Variants in SATB2 observed in about 807,000 individuals in gnomAD.
The protein encoded by SATB2 is SATB homeobox 2.
In SATB2, 1 loss-of-function variant was observed where a neutral mutation model predicts 73.4. The observed-to-expected ratio is 0.01, with a 90% CI of 0.00 to 0.06. The LOEUF (loss-of-function observed/expected upper bound fraction) is 0.06, where lower values mean the gene tolerates loss of function less well. Among genes scored for constraint, SATB2 ranks in the 10% least tolerant of loss-of-function variants. The pLI is 1.00. For missense variants in SATB2, 459 were observed against 945.8 expected (o/e 0.49, Z 6.75); for synonymous variants, 397 against 367.0 (o/e 1.08, Z -0.93).
chr2:199,465,963 A>C (rs757305018), upstream of SATB2, among the ~76,000 whole-genome samples: 4 of 152,198 alleles, frequency 2.6e-5, no homozygotes, highest in Non-Finnish European at 5.9e-5. Context: ...CCAGGAACCC[A>C]CCCAAACCTG....
chr2:199,413,209 A>C (rs2105905402), intron 3 of SATB2, among the ~76,000 whole-genome samples: 1 of 152,332 alleles, frequency 6.6e-6, no homozygotes, highest in Non-Finnish European at 1.5e-5. Context: ...TCCGAAGCAC[A>C]TATGTAATCT....
At chr2:199,462,301 G>A (rs1692493434), upstream of SATB2, among the ~76,000 whole-genome samples, 2 of 152,182 alleles carry the variant, frequency 1.3e-5, no homozygotes, top group African/African-American at 2.4e-5. The surrounding 1 kb of genome is among the most constrained non-coding windows in gnomAD (Gnocchi z 5.9). Context: ...TTCAAATGAA[G>A]CCCACGCCAG....
chr2:199,374,497 C>G lies in SATB2; in HGVS notation c.598-5790G>C, dbSNP rs1244641326. Among the ~76,000 whole-genome samples, 5 of 152,204 alleles carry G rather than the reference C, an allele frequency of 3.3e-5. No individual in the cohort carries two copies. The East Asian group carries it at 9.7e-4, about 29-fold the overall frequency. On this transcript the variant is annotated intron_variant, in intron 5 of 10. Transcript: ENST00000417098. ...GAAAGAGACAGGGGTGATGGTTGCA[C>G]AACACTGTGAATGTAATTAATGCTA...
intron 8 of SATB2, among the ~76,000 whole-genome samples, chr2:199,327,648 C>T (rs912957291): frequency 2.0e-5 from 3 of 152,062 alleles, no homozygotes; most frequent in Non-Finnish European, 2.9e-5. Context: ...GCCTTGAGAC[C>T]TTGACCCTTG....
intron 8 of SATB2, 94 bp from the exon 9 acceptor site, chr2:199,324,052 G>T: frequency 7.6e-7 from 1 of 1,309,654 alleles, no homozygotes; most frequent in Non-Finnish European, 1.1e-6. Flanking sequence ...GTCAGCTGAT[G>T]CCAAACTGCA....
chr2:199,449,773 C>A (rs1175518866), intron 2 of SATB2, among the ~76,000 whole-genome samples: 1 of 152,048 alleles, frequency 6.6e-6, no homozygotes, highest in Admixed American at 6.6e-5. Flanking sequence ...ACCTCTATTG[C>A]ATTTTAAAAT....
At chr2:199,403,512 G>A (rs572299940) in intron 3 of SATB2, among the ~76,000 whole-genome samples, 3 of 152,030 alleles carry the variant, frequency 2.0e-5, no homozygotes, top group East Asian at 3.9e-4. Context: ...ACACCAAGGG[G>A]GAATTTTATT....
intron 9 of SATB2, among the ~76,000 whole-genome samples, chr2:199,322,364 G>A (rs1008573156): frequency 6.6e-5 from 10 of 152,286 alleles, no homozygotes; most frequent in Non-Finnish European, 7.4e-5. Context: ...GTGGCATTAT[G>A]CATTTAACAG....
At chr2:199,281,225 C>T (rs1366679331) in intron 10 of SATB2, among the ~76,000 whole-genome samples, 1 of 149,774 alleles carries the variant, frequency 6.7e-6, no homozygotes, top group African/African-American at 2.5e-5. Context: ...CAGAGCAAGA[C>T]CCTGTCTCAA....
chr2:199,424,175 T>G (rs1198829295), intron 3 of SATB2, among the ~76,000 whole-genome samples: 3 of 152,244 alleles, frequency 2.0e-5, no homozygotes, highest in African/African-American at 7.2e-5. Context: ...AGCAAGCAAG[T>G]GGCACGTGCT....
At chr2:199,279,213 G>C (rs185313463) in intron 10 of SATB2, among the ~76,000 whole-genome samples, 87 of 152,190 alleles carry the variant, frequency 5.7e-4, no homozygotes, top group Non-Finnish European at 1.1e-3. Context: ...TCCTTGCCCA[G>C]TCATAAAGCA....
chr2:199,274,643 T>C (rs1245549985), intron 10 of SATB2, among the ~76,000 whole-genome samples: 1 of 152,160 alleles, frequency 6.6e-6, no homozygotes, highest in Non-Finnish European at 1.5e-5. Context: ...CACAGGACTA[T>C]AAAACAGTGG....
chr2:199,276,971 G>A (rs1351845887), intron 10 of SATB2, among the ~76,000 whole-genome samples: 2 of 152,122 alleles, frequency 1.3e-5, no homozygotes, highest in Non-Finnish European at 2.9e-5. Context: ...TTATATAACC[G>A]AGCAGTAGGA....
At chr2:199,415,949 T>C (rs1346080143) in intron 3 of SATB2, among the ~76,000 whole-genome samples, 1 of 152,192 alleles carries the variant, frequency 6.6e-6, no homozygotes, top group African/African-American at 2.4e-5. Context: ...TGCCAACTTG[T>C]AGCATCATCA....
At chr2:199,279,297 C>T (rs1343141784) in intron 10 of SATB2, among the ~76,000 whole-genome samples, 1 of 152,144 alleles carries the variant, frequency 6.6e-6, no homozygotes, top group African/African-American at 2.4e-5. Flanking sequence ...GGTACCATGA[C>T]CAAAGTTGAC....
chr2:199,397,758 G>A (rs373895353), intron 3 of SATB2: 11 of 421,582 alleles, frequency 2.6e-5, no homozygotes, highest in East Asian at 1.9e-4. Flanking sequence ...GCATGGTGGC[G>A]TGCTGCTGGA....
intron 3 of SATB2, among the ~76,000 whole-genome samples, chr2:199,427,271 G>A (rs1691364732): frequency 6.6e-6 from 1 of 151,992 alleles, no homozygotes; most frequent in Non-Finnish European, 1.5e-5. Flanking sequence ...AATTAAAGCA[G>A]CAAACCTAAG....
intron 10 of SATB2, among the ~76,000 whole-genome samples, chr2:199,286,031 G>A (rs1692678124): frequency 6.6e-6 from 1 of 151,958 alleles, no homozygotes; most frequent in Non-Finnish European, 1.5e-5. Flanking sequence ...TTAAACTTGG[G>A]TTTTGGAGGA....
At chr2:199,313,769 T>C (rs1426899129) in intron 9 of SATB2, among the ~76,000 whole-genome samples, 3 of 152,216 alleles carry the variant, frequency 2.0e-5, no homozygotes, top group Non-Finnish European at 2.9e-5. Context: ...TTTATTAAGT[T>C]GATAGTTTCA....
Sources: gnomAD v4.1 joint callset for allele counts (sites outside exome capture counted in the v4.1 genomes callset) on GRCh38, gnomAD v4.1.1 for gene constraint, Gnocchi (gnomAD v3.1) non-coding constraint, MANE v1.5 for transcripts, NCBI Gene and HGNC (gene_info 2026-07-23, HGNC 2026-07-21) for gene names.